The following CD34 variants were observed in gnomAD, a reference collection of about 807,000 sequenced individuals.
The protein encoded by CD34 is CD34 molecule.
Under a neutral mutation model 40.1 loss-of-function variants are expected in CD34, and 34 were observed. The observed-to-expected ratio is 0.85, with a 90% confidence interval of 0.65 to 1.13. The LOEUF (loss-of-function observed/expected upper bound fraction) is 1.13. Ranked by LOEUF, CD34 falls within the 50% of genes most tolerant of loss-of-function variation. CD34 has a pLI of 0.00. For missense variants in CD34, 426 were observed against 466.9 expected, an observed-to-expected ratio of 0.91 and a Z score of 0.81; for synonymous variants, 209 against 190.0, an observed-to-expected ratio of 1.10 and a Z score of -0.82.
chr1:207,901,845 A>G (rs1662277669), intron 1 of CD34, among the ~76,000 whole-genome samples: 1 of 152,198 alleles, frequency 6.6e-6, no homozygotes, highest in Non-Finnish European at 1.5e-5. Flanking sequence ...TGCATCTTCA[A>G]GGAAGAGCCT....
At chr1:207,910,944 A>T (rs1662499479) in intron 1 of CD34, 58 bp downstream of exon 1, 23 of 1,496,182 alleles carry the variant, frequency 1.5e-5, no homozygotes, top group Non-Finnish European at 2.1e-5. Flanking sequence ...GCCTCCCAGA[A>T]AGCCTCCACC....
chr1:207,889,791 A>T (rs755615267), intron 4 of CD34, 170 bp from the exon 5 acceptor site: 2 of 1,580,228 alleles, frequency 1.3e-6, no homozygotes, highest in Admixed American at 4.1e-5. Context: ...ATGTGCAACA[A>T]CACAATAAGA....
chr1:207,892,066 A>T (rs971700617), intron 4 of CD34, among the ~76,000 whole-genome samples: 2 of 152,130 alleles, frequency 1.3e-5, no homozygotes, highest in Non-Finnish European at 2.9e-5. Context: ...CCTCATTTCA[A>T]AGAGAATGAA....
chr1:207,884,561 G>A lies in CD34; in HGVS notation c.*3177C>T, dbSNP rs12118589. 1 of 152,204 alleles carries A rather than the reference G, an allele frequency of 6.6e-6. No homozygotes were observed. The highest frequency in any genetic ancestry group is 2.4e-5 in the African/African-American group (1 of 41,434). 9.4% of individuals were successfully genotyped at this position (152,204 alleles called of 1,614,324 possible). The stretch of plus-strand genomic sequence containing the variant: ...AAGCAGCATCCTGTTGCACAAAATC[G>A]ATGACCTATTACTGGTTTTGTGTGA... On this transcript the variant is annotated 3_prime_UTR_variant, in exon 8 of 8. Transcript: ENST00000310833.
chr1:207,911,005 G>A lies in CD34; in HGVS notation c.76C>T (p.Leu26=), dbSNP rs199706543. 4.6e-3 allele frequency: 7,309 copies of A among 1,586,342 alleles called. 39 individuals are homozygous for A. The highest frequency in any genetic ancestry group is 0.02 in the Middle Eastern group (117 of 5,898). ...GCGGCGCGCGGGCGGTACTCACGCA[G>A]CAAACTCAGCAAGCAAAGCGCGGTC... The part of the protein sequence containing the change: ...GWTALCLLSL[L]PSGFMSLDNN... Residue 26 remains leucine (L), a synonymous_variant, in exon 1 of 8, where the codon CTG becomes TTG. Coordinates refer to ENST00000310833, the MANE Select transcript of CD34 (RefSeq NM_001025109.2).
At chr1:207,895,849 C>T (rs1662141078) in intron 4 of CD34, among the ~76,000 whole-genome samples, 1 of 152,156 alleles carries the variant, frequency 6.6e-6, no homozygotes, top group African/African-American at 2.4e-5. Context: ...AAGAACTTGA[C>T]AATTTTTTTT....
At chr1:207,899,645 A>AG (rs1268114415) in intron 2 of CD34, among the ~76,000 whole-genome samples, 176 bp downstream of exon 2, 1 of 152,222 alleles carries the variant, frequency 6.6e-6, no homozygotes, top group Non-Finnish European at 1.5e-5. Flanking sequence ...CTGTCACTGA[A>AG]GGAAGAATTA....
At chr1:207,910,321 A>G (rs1469808065) in intron 1 of CD34, among the ~76,000 whole-genome samples, 1 of 152,200 alleles carries the variant, frequency 6.6e-6, no homozygotes, top group Non-Finnish European at 1.5e-5. Flanking sequence ...CTGGGCGCAG[A>G]GCAAATTCTG....
intron 1 of CD34, among the ~76,000 whole-genome samples, chr1:207,910,623 C>T (rs778042123): frequency 3.3e-5 from 5 of 152,176 alleles, no homozygotes; most frequent in Non-Finnish European, 5.9e-5. Flanking sequence ...AACCAAGAGC[C>T]ACAAAACTTT....
chr1:207,903,885 G>A (rs1000121734), intron 1 of CD34, among the ~76,000 whole-genome samples: 2 of 152,156 alleles, frequency 1.3e-5, no homozygotes, highest in African/African-American at 4.8e-5. Flanking sequence ...ATTTATGGTA[G>A]GAGTGAATAG....
intron 3 of CD34, among the ~76,000 whole-genome samples, chr1:207,897,780 A>C (rs1333647062): frequency 6.6e-6 from 1 of 152,198 alleles, no homozygotes; most frequent in African/African-American, 2.4e-5. Context: ...TCATCAGATG[A>C]CAAAACTTTT....
At chr1:207,894,984 T>C (rs2102299202) in intron 4 of CD34, among the ~76,000 whole-genome samples, 1 of 152,276 alleles carries the variant, frequency 6.6e-6, no homozygotes, top group South Asian at 2.1e-4. Context: ...TATGGGCATA[T>C]ATTAGATGAG....
intron 4 of CD34, among the ~76,000 whole-genome samples, chr1:207,891,452 T>C (rs1378302435): frequency 6.6e-6 from 1 of 151,676 alleles, no homozygotes; most frequent in East Asian, 1.9e-4. Flanking sequence ...GAGGCTGAGG[T>C]GGGAGGATTA....
chr1:207,896,518 A>G, intron 4 of CD34, among the ~76,000 whole-genome samples: 1 of 152,228 alleles, frequency 6.6e-6, no homozygotes, highest in East Asian at 1.9e-4. Flanking sequence ...AAACTGGCCA[A>G]ACCCAAAATA....
intron 4 of CD34, among the ~76,000 whole-genome samples, chr1:207,893,406 T>C (rs1178048877): frequency 6.6e-6 from 1 of 152,166 alleles, no homozygotes; most frequent in East Asian, 1.9e-4. Context: ...TATAATTTTA[T>C]CTATTTTGGT....
intron 1 of CD34, among the ~76,000 whole-genome samples, chr1:207,900,839 C>A (rs1434234738): frequency 6.6e-6 from 1 of 152,066 alleles, no homozygotes; most frequent in Non-Finnish European, 1.5e-5. Context: ...AAGTAAGGGT[C>A]TTTTCTGGCT....
At position 207,883,772 on chromosome 1, in the gene CD34, T is replaced by C. The variant is rs1385640331; in HGVS notation, c.*3966A>G. ...TTATTATTTGAAGAAATAAATAGAC[T>C]GAGCAAGTCCTGTTACCTCTACTTT... On this transcript the variant is annotated 3_prime_UTR_variant, in exon 8 of 8. Coordinates refer to ENST00000310833, the MANE Select transcript of CD34 (RefSeq NM_001025109.2). The C allele has an allele frequency of 6.6e-6, 1 of 152,214 alleles. No individual in the cohort carries two copies. Among genetic ancestry groups the C allele is most frequent in the Non-Finnish European group, 1.5e-5 (1 of 68,038 alleles). The allele number at this position is 152,214 out of a possible 1,614,324, so 9.4% of individuals were successfully genotyped here.
At chr1:207,892,642 G>A (rs945192910) in intron 4 of CD34, among the ~76,000 whole-genome samples, 1 of 151,364 alleles carries the variant, frequency 6.6e-6, no homozygotes, top group Non-Finnish European at 1.5e-5. Context: ...TAGATAAATA[G>A]CAGCTGCTAC....
intron 3 of CD34, among the ~76,000 whole-genome samples, chr1:207,898,032 T>TTTATTTA (rs1209843424): frequency 1.7e-3 from 4 of 2,402 alleles, no homozygotes; most frequent in African/African-American, 1.8e-3. Context: ...TTTTGGCTCT[T>TTTATTTA]TTATTTATTT....
Sources: allele counts gnomAD v4.1 joint callset (sites outside exome capture counted in the v4.1 genomes callset), GRCh38; gene constraint gnomAD v4.1.1; transcripts MANE v1.5; gene names NCBI Gene and HGNC (gene_info 2026-07-23, HGNC 2026-07-21).